AUTS2: variants seen among roughly 807,000 people sequenced by gnomAD.
AUTS2 encodes activator of transcription and developmental regulator AUTS2, also known as autism susceptibility gene 2 protein.
In AUTS2, 17 loss-of-function variants were observed where a neutral mutation model predicts 112.4. That is an observed-to-expected ratio of 0.15 (90% confidence interval 0.10 to 0.23). The LOEUF is 0.23. AUTS2 is among the 10% of genes least tolerant of loss of function. AUTS2 has a pLI of 1.00. For synonymous variants in AUTS2, 751 were observed against 702.7 expected, an observed-to-expected ratio of 1.07 and a Z score of -1.09; for missense variants, 1,510 against 1,701.6, an observed-to-expected ratio of 0.89 and a Z score of 1.98.
intron 1 of AUTS2, among the ~76,000 whole-genome samples, chr7:69,676,604 G>A (rs1295812901): frequency 6.6e-6 from 1 of 152,192 alleles, no homozygotes; most frequent in Non-Finnish European, 1.5e-5. Context: ...ACTTAAGTAA[G>A]TCTGACAATT....
At chr7:70,422,564 G>C (rs1216549992) in intron 4 of AUTS2, among the ~76,000 whole-genome samples, 1 of 152,074 alleles carries the variant, frequency 6.6e-6, no homozygotes, top group Admixed American at 6.5e-5. Context: ...ATCACCTGAG[G>C]TCAGGCGTTT....
chr7:70,499,481 T>C (rs1798689371), intron 5 of AUTS2, among the ~76,000 whole-genome samples: 1 of 152,114 alleles, frequency 6.6e-6, no homozygotes, highest in African/African-American at 2.4e-5. Context: ...TTGGAAACAC[T>C]GCAAATAGGT....
intron 2 of AUTS2, among the ~76,000 whole-genome samples, chr7:69,996,836 T>C (rs1286865895): frequency 2.0e-5 from 3 of 150,900 alleles, no homozygotes; most frequent in African/African-American, 7.3e-5. Flanking sequence ...TATGTTTACA[T>C]GAAAAAATAC....
chr7:70,594,914 C>T (rs1803120500), intron 5 of AUTS2, among the ~76,000 whole-genome samples: 1 of 152,134 alleles, frequency 6.6e-6, no homozygotes, highest in African/African-American at 2.4e-5. Context: ...CCAGCCTGAC[C>T]AACATGGAGA....
intron 1 of AUTS2, among the ~76,000 whole-genome samples, chr7:69,684,824 C>A (rs191577755): frequency 1.4e-3 from 212 of 152,254 alleles, no homozygotes; most frequent in African/African-American, 5.0e-3. Context: ...TCTTTCTTTG[C>A]ACTTAATTAA....
chr7:70,738,969 C>G (rs1240313150), intron 6 of AUTS2, among the ~76,000 whole-genome samples: 2 of 116,618 alleles, frequency 1.7e-5, no homozygotes, highest in Non-Finnish European at 3.6e-5. Flanking sequence ...ACTTAACTTT[C>G]TGTATTCTGG....
At chr7:70,740,772 G>A (rs964650634) in intron 6 of AUTS2, among the ~76,000 whole-genome samples, 19 of 151,982 alleles carry the variant, frequency 1.3e-4, no homozygotes, top group African/African-American at 4.6e-4. Flanking sequence ...GAGGACAATG[G>A]CTAGATGCTG....
At chr7:69,706,355 T>C (rs1204507728) in intron 1 of AUTS2, among the ~76,000 whole-genome samples, 1 of 152,118 alleles carries the variant, frequency 6.6e-6, no homozygotes, top group East Asian at 1.9e-4. Context: ...GGAATATCTG[T>C]TCTGTTAGTA....
intron 4 of AUTS2, among the ~76,000 whole-genome samples, chr7:70,385,065 G>T (rs1793548094): frequency 6.6e-6 from 1 of 152,154 alleles, no homozygotes; most frequent in Admixed American, 6.5e-5. Flanking sequence ...TCCATCCATT[G>T]GAGTCATGAT....
At chr7:70,363,163 T>A (rs1325123593) in intron 4 of AUTS2, among the ~76,000 whole-genome samples, 2 of 152,250 alleles carry the variant, frequency 1.3e-5, no homozygotes. Flanking sequence ...TCTACATCTG[T>A]TTGGATCCAT....
chr7:70,786,696 G>C (rs1264609646), intron 17 of AUTS2, among the ~76,000 whole-genome samples: 1 of 152,118 alleles, frequency 6.6e-6, no homozygotes, highest in African/African-American at 2.4e-5. Flanking sequence ...ACGTGTCTCT[G>C]AGCATACCGT....
At chr7:70,521,657 G>A (rs1799653122) in intron 5 of AUTS2, among the ~76,000 whole-genome samples, 2 of 152,162 alleles carry the variant, frequency 1.3e-5, no homozygotes, top group South Asian at 4.1e-4. Flanking sequence ...TTTTCCAGTG[G>A]ACTTTGATTA....
chr7:70,499,239 C>T (rs552850477), intron 5 of AUTS2, among the ~76,000 whole-genome samples: 1 of 152,246 alleles, frequency 6.6e-6, no homozygotes, highest in Non-Finnish European at 1.5e-5. Context: ...AGGAATTGGG[C>T]CTGCTGAAGG....
At chr7:70,609,580 G>GTTTTTTTTTTTTTT in intron 5 of AUTS2, among the ~76,000 whole-genome samples, 1 of 143,746 alleles carries the variant, frequency 7.0e-6, no homozygotes, top group Non-Finnish European at 1.5e-5. Flanking sequence ...TTTTTGTTTT[G>GTTTTTTTTTTTTTT]TTTTTTTTTT....
At chr7:69,858,836 GT>G (rs1212855089) in intron 1 of AUTS2, among the ~76,000 whole-genome samples, 1 of 152,246 alleles carries the variant, frequency 6.6e-6, no homozygotes. Flanking sequence ...GGTATGTACT[GT>G]AAGGCCCGTG....
intron 4 of AUTS2, among the ~76,000 whole-genome samples, chr7:70,333,822 G>T (rs1290681226): frequency 6.6e-6 from 1 of 152,154 alleles, no homozygotes; most frequent in South Asian, 2.1e-4. Flanking sequence ...TGGAGGGCTA[G>T]GGGAGGGATA....
chr7:70,139,827 C>A (rs988325010), intron 4 of AUTS2, among the ~76,000 whole-genome samples: 41 of 152,082 alleles, frequency 2.7e-4, no homozygotes, highest in East Asian at 7.7e-4. Context: ...GGTGAAACCC[C>A]GTCTCTCTAC....
Position 70,606,681 on chromosome 7 carries a change from G to A in AUTS2, c.691-91888G>A, listed in dbSNP as rs1223423545. On this transcript the variant is annotated intron_variant, in intron 5 of 18. Transcript: ENST00000342771. The stretch of plus-strand genomic sequence containing the variant: ...TTCGAGACCAGCCTCATCAAAAGTG[G>A]TGAAACCCCATCTCTACTGAAAATT... 3.3e-5 allele frequency among the ~76,000 whole-genome samples: 5 copies of A among 151,954 alleles called. No homozygotes were observed. The East Asian group carries it at 7.7e-4, about 24-fold the overall frequency.
intron 1 of AUTS2, among the ~76,000 whole-genome samples, chr7:69,654,684 C>A (rs1795443900): frequency 6.6e-6 from 1 of 152,134 alleles, no homozygotes; most frequent in Non-Finnish European, 1.5e-5. Context: ...GAGGTCACTG[C>A]CAGGATAGCT....
Sources: gnomAD v4.1 joint callset for allele counts (sites outside exome capture counted in the v4.1 genomes callset) on GRCh38, gnomAD v4.1.1 for gene constraint, MANE v1.5 for transcripts, NCBI Gene and HGNC (gene_info 2026-07-23, HGNC 2026-07-21) for gene names.